Variants in ADGRV1 observed in about 807,000 individuals in gnomAD.
ADGRV1 encodes the protein G-protein coupled receptor 98.
In ADGRV1, 359 loss-of-function variants were observed where a neutral mutation model predicts 596.2. The ratio of observed to expected loss-of-function variants is 0.60; its 90% CI spans 0.55 to 0.66. ADGRV1 has a LOEUF of 0.66. ADGRV1 is among the 30% of genes least tolerant of loss of function. The probability of loss-of-function intolerance (pLI) is 0.00; values close to 1 mark genes in which losing one functional copy is unlikely to be tolerated. For synonymous variants in ADGRV1, 2,681 were observed against 2,679.2 expected (o/e 1.00, Z -0.02); for missense variants, 7,274 against 7,575.6 (o/e 0.96, Z 1.48).
At chr5:90,585,701 C>G (rs1403321039) in intron 1 of ADGRV1, among the ~76,000 whole-genome samples, 1 of 152,168 alleles carries the variant, frequency 6.6e-6, no homozygotes, top group Non-Finnish European at 1.5e-5. Context: ...TGAAGGAGAT[C>G]TAGATTAGTC....
At chr5:90,985,154 C>G (rs1338960117) in intron 84 of ADGRV1, among the ~76,000 whole-genome samples, 190 bp from the exon 85 acceptor site, 1 of 152,014 alleles carries the variant, frequency 6.6e-6, no homozygotes, top group African/African-American at 2.4e-5. Context: ...TTTGAGGTAT[C>G]CTGAATTTCT....
chr5:90,647,409 C>T (rs1458238187), intron 16 of ADGRV1, 89 bp from the exon 17 acceptor site: 1 of 1,371,904 alleles, frequency 7.3e-7, no homozygotes, highest in Non-Finnish European at 1.0e-6. Context: ...AGGCTTCTCT[C>T]TTGGAGGGCA....
chr5:91,006,123 G>T (rs533576435), intron 85 of ADGRV1, among the ~76,000 whole-genome samples: 1 of 152,234 alleles, frequency 6.6e-6, no homozygotes, highest in African/African-American at 2.4e-5. Context: ...GTTCCTGGAA[G>T]TTTAATTTTA....
chr5:91,066,633 C>G (rs1469835430), intron 85 of ADGRV1, among the ~76,000 whole-genome samples: 1 of 152,216 alleles, frequency 6.6e-6, no homozygotes, highest in East Asian at 1.9e-4. Flanking sequence ...CCCAGCTCCT[C>G]TCCATGGACC....
At chr5:90,722,570 C>T (rs570250369) in intron 45 of ADGRV1, among the ~76,000 whole-genome samples, 3 of 150,944 alleles carry the variant, frequency 2.0e-5, no homozygotes, top group Admixed American at 6.6e-5. Context: ...AAAAATTAGC[C>T]GGGCTTGGTG....
intron 87 of ADGRV1, among the ~76,000 whole-genome samples, chr5:91,107,118 T>G (rs1286559612): frequency 6.6e-6 from 1 of 152,124 alleles, no homozygotes; most frequent in South Asian, 2.1e-4. Flanking sequence ...TAGGTCTGGG[T>G]GGAATCTGAT....
At chr5:90,998,232 C>T (rs146543111) in intron 85 of ADGRV1, among the ~76,000 whole-genome samples, 1 of 152,232 alleles carries the variant, frequency 6.6e-6, no homozygotes, top group East Asian at 1.9e-4. Context: ...AGAAAAATGT[C>T]TCTAAAGCTT....
rs916799964 is a variant in ADGRV1 at position 90,934,242 on chromosome 5, C to T, written c.17857-31173C>T. Among the ~76,000 whole-genome samples the T allele has an allele frequency of 2.6e-5, 4 of 152,194 alleles. No homozygotes were observed. The South Asian group carries it at 8.3e-4, about 31-fold the overall frequency. On this transcript the variant is annotated intron_variant, in intron 83 of 89. Transcript: ENST00000405460. ...GTCTTGCCCTTGCTCAGTATTCTTCCAGGCCTTTGATCTCTTCCTTATCTT... is the reference window on the plus strand; with the variant it reads ...GTCTTGCCCTTGCTCAGTATTCTTCTAGGCCTTTGATCTCTTCCTTATCTT...
chr5:90,658,926 A>G (rs1156599836), intron 21 of ADGRV1, among the ~76,000 whole-genome samples: 1 of 152,160 alleles, frequency 6.6e-6, no homozygotes. Flanking sequence ...GTGACCATGA[A>G]AGGATGCCAA....
chr5:90,690,674 G>T, intron 30 of ADGRV1, 123 bp from the exon 31 acceptor site: 10 of 971,342 alleles, frequency 1.0e-5, no homozygotes, highest in Non-Finnish European at 1.5e-5. Context: ...TCTGGTTTTT[G>T]TGGGTTATAG....
chr5:90,997,914 A>G (rs543627246), intron 85 of ADGRV1, among the ~76,000 whole-genome samples: 35 of 152,314 alleles, frequency 2.3e-4, no homozygotes, highest in Admixed American at 1.4e-3. Context: ...GGCACAGAGC[A>G]GGGGACAATA....
At chr5:90,998,641 A>T (rs1046355798) in intron 85 of ADGRV1, among the ~76,000 whole-genome samples, 1 of 152,060 alleles carries the variant, frequency 6.6e-6, no homozygotes, top group African/African-American at 2.4e-5. Flanking sequence ...TTATAGGGAA[A>T]ATTTCAAGCA....
Position 90,755,122 on chromosome 5 carries a change from A to G in ADGRV1, c.11517A>G (p.Gln3839=). 6.2e-7 allele frequency: 1 copy of G among 1,611,790 alleles called. No individual in the cohort carries two copies. The highest frequency in any genetic ancestry group is 8.5e-7 in the Non-Finnish European group (1 of 1,178,612). Residue 3839 remains glutamine (Q), a synonymous_variant, in exon 55 of 90, where the codon CAA becomes CAG. Transcript: ENST00000405460. ...QATENEDYVL[Q]ETIIIMKENI... ...CTGAGAATGAAGATTATGTATTGCA[A>G]GAAACAATAATAATAATGAAAGAAA...
intron 85 of ADGRV1, among the ~76,000 whole-genome samples, chr5:90,999,785 T>G (rs573593496): frequency 3.9e-5 from 6 of 152,102 alleles, no homozygotes; most frequent in Non-Finnish European, 8.8e-5. Flanking sequence ...AGAAAACAGT[T>G]CTTTATAGAG....
At chr5:91,095,791 A>T (rs935558057) in intron 86 of ADGRV1, among the ~76,000 whole-genome samples, 1 of 150,218 alleles carries the variant, frequency 6.7e-6, no homozygotes, top group Non-Finnish European at 1.5e-5. Context: ...TTTTATTTAA[A>T]TTTTTTTTTT....
chr5:90,774,426 C>A, intron 60 of ADGRV1, 123 bp downstream of exon 60: 1 of 606,744 alleles, frequency 1.6e-6, no homozygotes. Flanking sequence ...CATAAAGATA[C>A]CATTTTCCAC....
intron 25 of ADGRV1, 131 bp from the exon 26 acceptor site, chr5:90,679,418 T>C (rs973905369): frequency 5.4e-6 from 3 of 555,674 alleles, no homozygotes; most frequent in Admixed American, 3.3e-5. Flanking sequence ...CCATTTCTTA[T>C]GGAAGAATGC....
intron 83 of ADGRV1, among the ~76,000 whole-genome samples, chr5:90,866,238 A>G (rs1768078211): frequency 6.6e-6 from 1 of 151,982 alleles, no homozygotes; most frequent in Non-Finnish European, 1.5e-5. Context: ...AGTCAGGAAA[A>G]TATGCTCGTC....
Position 90,653,906 on chromosome 5 carries a change from A to G in ADGRV1, c.4332A>G (p.Ala1444=), listed in dbSNP as rs1358910308. ...GIIEFYLDGN[A]MPRGIKSLKG... ...TCGAATTCTACCTGGATGGAAATGCAATGCCCAGGGGAATCAAGAGTCTGA... is the reference window on the plus strand; with the variant it reads ...TCGAATTCTACCTGGATGGAAATGCGATGCCCAGGGGAATCAAGAGTCTGA... Residue 1444 remains alanine (A), a synonymous_variant, in exon 20 of 90, where the codon GCA becomes GCG. Coordinates refer to ENST00000405460, the MANE Select transcript of ADGRV1 (RefSeq NM_032119.4). 2.5e-6 allele frequency: 4 copies of G among 1,574,396 alleles called. No individual in the cohort carries two copies. The highest frequency in any genetic ancestry group is 3.5e-6 in the Non-Finnish European group (4 of 1,158,776).
Sources: gnomAD v4.1 joint callset for allele counts (sites outside exome capture counted in the v4.1 genomes callset) on GRCh38, gnomAD v4.1.1 for gene constraint, MANE v1.5 for transcripts, NCBI Gene and HGNC (gene_info 2026-07-23, HGNC 2026-07-21) for gene names.